PLA2G4E: variants seen among roughly 807,000 people sequenced by gnomAD.
PLA2G4E encodes phospholipase A2 group IVE, also known as cytosolic phospholipase A2 epsilon.
In PLA2G4E, 84 loss-of-function variants were observed where a neutral mutation model predicts 109.1. The observed-to-expected ratio is 0.77, with a 90% CI of 0.65 to 0.92. The LOEUF is 0.92. Ranked by LOEUF, PLA2G4E falls within the 40% of genes least tolerant of loss-of-function variation. The pLI is 0.00. For missense variants in PLA2G4E, 1,057 were observed against 1,076.6 expected, an observed-to-expected ratio of 0.98 and a Z score of 0.25; for synonymous variants, 469 against 436.1, an observed-to-expected ratio of 1.08 and a Z score of -0.94.
intron 1 of PLA2G4E, among the ~76,000 whole-genome samples, chr15:42,027,365 G>A (rs566057526): frequency 1.3e-5 from 2 of 152,262 alleles, no homozygotes; most frequent in South Asian, 2.1e-4. Flanking sequence ...AAGCTGGAAG[G>A]GGCCCCCCAG....
chr15:42,048,731 A>G (rs545651446), intron 1 of PLA2G4E, among the ~76,000 whole-genome samples: 1 of 152,328 alleles, frequency 6.6e-6, no homozygotes, highest in East Asian at 1.9e-4. Context: ...TTCCCCATAG[A>G]GGGAGAAACT....
intron 1 of PLA2G4E, among the ~76,000 whole-genome samples, chr15:42,040,484 A>C (rs1339156908): frequency 6.6e-6 from 1 of 152,260 alleles, no homozygotes; most frequent in Non-Finnish European, 1.5e-5. Flanking sequence ...AGAAAGCAAG[A>C]TATGAAATTG....
intron 1 of PLA2G4E, among the ~76,000 whole-genome samples, chr15:42,019,261 G>T (rs1053406176): frequency 3.9e-5 from 6 of 152,192 alleles, no homozygotes; most frequent in African/African-American, 1.4e-4. Flanking sequence ...CCTCCTCATT[G>T]GAGCTCTCCC....
At position 42,001,144 on chromosome 15, in the gene PLA2G4E, C is replaced by CA. The variant is rs767037715; in HGVS notation, c.673+12dup. 3 of 1,610,780 alleles carry CA rather than the reference C, an allele frequency of 1.9e-6. No homozygotes were observed. The highest frequency in any genetic ancestry group is 2.5e-6 in the Non-Finnish European group (3 of 1,177,128). ...CTTGTCCCCCAGTAGGCAGAAAAGG[C>CA]AAAACAGCTCACTTTTCTCCCTCTT... On this transcript the variant is annotated intron_variant, in intron 7 of 19. Coordinates refer to ENST00000399518, the Ensembl canonical transcript of PLA2G4E.
At chr15:42,016,814 T>C (rs1454735930) in intron 1 of PLA2G4E, among the ~76,000 whole-genome samples, 1 of 152,240 alleles carries the variant, frequency 6.6e-6, no homozygotes, top group Non-Finnish European at 1.5e-5. Flanking sequence ...CCCTGAAATA[T>C]TGAACATCTC....
intron 9 of PLA2G4E, 136 bp from the exon 10 acceptor site, chr15:41,999,697 G>T: frequency 8.3e-7 from 1 of 1,198,710 alleles, no homozygotes; most frequent in Non-Finnish European, 1.2e-6. Flanking sequence ...TCTCTCTTCT[G>T]GACACAATCT....
At chr15:41,984,438 G>A in exon 19 of PLA2G4E, 2 of 1,611,394 alleles carry the variant, frequency 1.2e-6, no homozygotes, top group Non-Finnish European at 1.7e-6. Context: ...CAGCTCACCT[G>A]GTGCCTTGTA....
chr15:41,992,929 G>C (rs1392790955), exon 13 of PLA2G4E: 2 of 1,613,526 alleles, frequency 1.2e-6, no homozygotes, highest in Non-Finnish European at 1.7e-6. Flanking sequence ...TGGAGGACCA[G>C]TCAGGGTCAC....
chr15:41,993,853 C>G (rs2068291356), intron 12 of PLA2G4E, among the ~76,000 whole-genome samples: 2 of 152,176 alleles, frequency 1.3e-5, no homozygotes, highest in Admixed American at 6.5e-5. Flanking sequence ...TCATTTTATA[C>G]TTTAAAAAAG....
intron 1 of PLA2G4E, among the ~76,000 whole-genome samples, chr15:42,044,825 G>A (rs1889384160): frequency 6.6e-6 from 1 of 152,114 alleles, no homozygotes; most frequent in Non-Finnish European, 1.5e-5. Context: ...AGATCATCTG[G>A]CTGCTGGGTG....
intron 12 of PLA2G4E, among the ~76,000 whole-genome samples, chr15:41,993,824 C>G (rs945860119): frequency 3.3e-5 from 5 of 152,176 alleles, no homozygotes; most frequent in Non-Finnish European, 5.9e-5. Flanking sequence ...GCACCCTGCT[C>G]TCCATAAGCT....
intron 1 of PLA2G4E, among the ~76,000 whole-genome samples, chr15:42,023,964 G>C (rs1194245067): frequency 6.6e-6 from 1 of 152,178 alleles, no homozygotes; most frequent in Non-Finnish European, 1.5e-5. Context: ...GAACTAAGTG[G>C]ACTGATCTAC....
chr15:42,022,087 A>ATTTTTTTTT (rs151004742), intron 1 of PLA2G4E, among the ~76,000 whole-genome samples: 2 of 152,072 alleles, frequency 1.3e-5, no homozygotes, highest in African/African-American at 4.8e-5. Context: ...CACAAATTCA[A>ATTTTTTTTT]TTTAGTTCAT....
intron 12 of PLA2G4E, among the ~76,000 whole-genome samples, chr15:41,993,455 C>A (rs946765099): frequency 2.0e-5 from 3 of 152,198 alleles, no homozygotes; most frequent in Non-Finnish European, 2.9e-5. Context: ...TAAACCCAGG[C>A]TCGACTGATT....
intron 4 of PLA2G4E, 132 bp downstream of exon 4, chr15:42,005,858 A>T: frequency 8.8e-7 from 1 of 1,138,222 alleles, no homozygotes; most frequent in Non-Finnish European, 1.2e-6. Context: ...TGGGATTTAA[A>T]CCAGCAGCAC....
Position 42,045,936 on chromosome 15 carries a change from C to T in PLA2G4E, c.183+4585G>A, listed in dbSNP as rs567338959. 2.0e-3 allele frequency among the ~76,000 whole-genome samples: 292 copies of T among 146,342 alleles called. 2 individuals are homozygous for T. The highest frequency in any genetic ancestry group is 6.4e-3 in the African/African-American group (250 of 38,936). The stretch of plus-strand genomic sequence containing the variant: ...ATGCCAAAGACAGAGGCACCCAGAC[C>T]GCTCCACCCCAACCAATTCTATCCT... On this transcript the variant is annotated intron_variant, in intron 1 of 19. Coordinates refer to ENST00000399518, the Ensembl canonical transcript of PLA2G4E.
intron 1 of PLA2G4E, among the ~76,000 whole-genome samples, chr15:42,019,712 C>T (rs1295623123): frequency 6.6e-6 from 1 of 152,204 alleles, no homozygotes; most frequent in East Asian, 1.9e-4. Flanking sequence ...CATGTCCCAG[C>T]CACTCTGAGC....
chr15:42,026,994 G>T (rs563705791), intron 1 of PLA2G4E, among the ~76,000 whole-genome samples: 11 of 150,954 alleles, frequency 7.3e-5, no homozygotes, highest in African/African-American at 2.7e-4. Context: ...AAGAAAGAAA[G>T]AAAGATGTGT....
At chr15:41,985,984 G>A (rs1365467046) in exon 18 of PLA2G4E, 1 of 1,598,510 alleles carries the variant, frequency 6.3e-7, no homozygotes, top group South Asian at 1.1e-5. Flanking sequence ...CAGCTGGTTT[G>A]GGAAACCATC....
Sources: gnomAD v4.1 joint callset for allele counts (sites outside exome capture counted in the v4.1 genomes callset) on GRCh38, gnomAD v4.1.1 for gene constraint, MANE v1.5 for transcripts, NCBI Gene and HGNC (gene_info 2026-07-23, HGNC 2026-07-21) for gene names.